Variants in DSCAML1 observed in about 807,000 individuals in gnomAD.
DSCAML1 encodes the protein DS cell adhesion molecule like 1, also known as cell adhesion molecule DSCAML1.
In DSCAML1, 38 loss-of-function variants were observed where a neutral mutation model predicts 200.5. That is an observed-to-expected ratio of 0.19 (90% confidence interval 0.15 to 0.25). The LOEUF is 0.25. Ranked by LOEUF, DSCAML1 falls within the 10% of genes least tolerant of loss-of-function variation. The probability of loss-of-function intolerance (pLI) is 1.00; values close to 1 mark genes in which losing one functional copy is unlikely to be tolerated. For synonymous variants in DSCAML1, 1,215 were observed against 1,165.0 expected (o/e 1.04, Z -0.87); for missense variants, 2,223 against 2,858.8 (o/e 0.78, Z 5.07).
At chr11:117,696,633 C>G (rs145422176) in intron 3 of DSCAML1, among the ~76,000 whole-genome samples, 1 of 152,026 alleles carries the variant, frequency 6.6e-6, no homozygotes, top group East Asian at 1.9e-4. Flanking sequence ...GGCCTGGGAG[C>G]AGCAGCTGGT....
At chr11:117,718,358 A>C (rs555546866) in intron 3 of DSCAML1, among the ~76,000 whole-genome samples, 109 of 152,308 alleles carry the variant, frequency 7.2e-4, no homozygotes, top group African/African-American at 2.5e-3. Context: ...TAAGCCCCCA[A>C]GTTGGGGGTG....
At chr11:117,478,501 T>C (rs1485677691) in intron 14 of DSCAML1, among the ~76,000 whole-genome samples, 1 of 152,166 alleles carries the variant, frequency 6.6e-6, no homozygotes, top group South Asian at 2.1e-4. Context: ...CTCTTTTCTT[T>C]TCTCCTGGAT....
Position 117,766,721 on chromosome 11 carries a change from G to A in DSCAML1, c.511+10070C>T, listed in dbSNP as rs146340820. 2.8e-3 allele frequency among the ~76,000 whole-genome samples: 423 copies of A among 152,262 alleles called. 4 individuals carry two copies. Among genetic ancestry groups the A allele is most frequent in the African/African-American group, 9.5e-3 (396 of 41,526 alleles). On this transcript the variant is annotated intron_variant, in intron 3 of 32. Transcript: ENST00000651296. ...CCAGGGGGTGCTCTGGAAATGCAGC[G>A]CCTGCCATGAACTAAATGGAAAAGC...
At chr11:117,750,569 G>A (rs554191763) in intron 3 of DSCAML1, among the ~76,000 whole-genome samples, 9 of 152,268 alleles carry the variant, frequency 5.9e-5, no homozygotes, top group African/African-American at 1.9e-4. Flanking sequence ...ACAAGCACAC[G>A]GGCTGCTGCA....
At chr11:117,752,750 A>T (rs2054623602) in intron 3 of DSCAML1, among the ~76,000 whole-genome samples, 8 of 152,224 alleles carry the variant, frequency 5.3e-5, no homozygotes, top group Admixed American at 5.2e-4. Context: ...AGGGAGAAGA[A>T]GCCTATTTCT....
rs1252790253 is a variant in DSCAML1, at chr11:117,428,464, T to C, written c.6026A>G (p.Glu2009Gly). ...GTGTGGGCCCCCGGCTCGTGGAGGCTCGGTGCTGGGGGCCGGAGGGGCAGC... is the reference window on the plus strand; with the variant it reads ...GTGTGGGCCCCCGGCTCGTGGAGGCCCGGTGCTGGGGGCCGGAGGGGCAGC... ...PSAAPPAPST[E>G]PPRAGGPHTK... The change falls in exon 33 of 33, where the codon GAG becomes GGG. Residue 2009 changes from glutamate to glycine, a missense_variant. Transcript: ENST00000651296. 6.6e-7 allele frequency: 1 copy of C among 1,510,830 alleles called. No individual in the cohort carries two copies. The highest frequency in any genetic ancestry group is 8.9e-7 in the Non-Finnish European group (1 of 1,129,720). The allele number at this position is 1,510,830 out of a possible 1,614,324, so 93.6% of individuals were successfully genotyped here. A position where few individuals can be genotyped will look rare whatever the true frequency, so the allele number is the denominator to read the frequency against.
Position 117,428,532 on chromosome 11 carries a change from TGG to T in DSCAML1, c.5956_5957del (p.Pro1986SerfsTer8). The T allele has an allele frequency of 9.9e-7, 1 of 1,007,092 alleles. No homozygotes were observed. The highest frequency in any genetic ancestry group is 1.4e-6 in the Non-Finnish European group (1 of 707,988). 62.4% of individuals were successfully genotyped at this position (1,007,092 alleles called of 1,614,324 possible). A position where few individuals can be genotyped will look rare whatever the true frequency, so the allele number is the denominator to read the frequency against. Reference sequence around the variant, plus strand: ...GCTCAGCAGGGGTGGGGCCGGGGGCTGGGGGGGCTGTGCCGGCTGGGGGGGCT... The same window carrying T: ...GCTCAGCAGGGGTGGGGCCGGGGGCTGGGGGCTGTGCCGGCTGGGGGGGCT... ...MPAPPAGTAP[P>X]APGPTPAEPP... On this transcript the variant is annotated frameshift_variant, in exon 33 of 33. Transcript: ENST00000651296. LOFTEE classifies it high-confidence loss of function.
intron 3 of DSCAML1, among the ~76,000 whole-genome samples, chr11:117,687,430 T>TAA (rs1471598011): frequency 1.8e-5 from 2 of 114,016 alleles, no homozygotes; most frequent in African/African-American, 4.5e-5. Context: ...CTGGCTATTT[T>TAA]TTTTTTTTTT....
intron 3 of DSCAML1, among the ~76,000 whole-genome samples, chr11:117,710,941 G>T (rs965791310): frequency 6.6e-6 from 1 of 152,150 alleles, no homozygotes; most frequent in African/African-American, 2.4e-5. Context: ...ATCACTTCAA[G>T]GTCACAAACT....
chr11:117,512,896 G>A (rs1342462802), intron 8 of DSCAML1, among the ~76,000 whole-genome samples: 5 of 152,000 alleles, frequency 3.3e-5, no homozygotes, highest in South Asian at 2.1e-4. Flanking sequence ...TCGCCGAGAC[G>A]GAATGCATCA....
intron 3 of DSCAML1, among the ~76,000 whole-genome samples, chr11:117,734,466 G>C (rs538578029): frequency 5.3e-5 from 8 of 152,290 alleles, no homozygotes; most frequent in African/African-American, 1.9e-4. Flanking sequence ...TTCCTAGAAA[G>C]CACCAACTCT....
chr11:117,568,362 A>T (rs924796383), intron 3 of DSCAML1, among the ~76,000 whole-genome samples: 4 of 152,182 alleles, frequency 2.6e-5, no homozygotes, highest in Non-Finnish European at 5.9e-5. Flanking sequence ...TAGTGTTGGA[A>T]GTTCTGGCCA....
At chr11:117,485,936 T>TG (rs1418523241) in intron 11 of DSCAML1, among the ~76,000 whole-genome samples, 5 of 152,306 alleles carry the variant, frequency 3.3e-5, no homozygotes, top group African/African-American at 1.2e-4. Flanking sequence ...CACCTACTGG[T>TG]GTCAGCCAGC....
Position 117,489,849 on chromosome 11 carries a change from T to C in DSCAML1, c.2360-7687A>G, listed in dbSNP as rs906229147. On this transcript the variant is annotated intron_variant, in intron 11 of 32. Transcript: ENST00000651296. This position sits in a 1 kb window ranked among gnomAD's most constrained non-coding sequence, Gnocchi z 4.8. ...GCGTCCTTGCCTCCTTGTGTGTGAC[T>C]GTGAGACTCTCCAGGGCAGAAGCAT... Among the ~76,000 whole-genome samples, 19 of 152,328 alleles carry C rather than the reference T, an allele frequency of 1.2e-4. No homozygotes were observed. The highest frequency in any genetic ancestry group is 2.5e-4 in the Non-Finnish European group (17 of 68,026).
rs370625430 is a variant in DSCAML1 at position 117,617,473 on chromosome 11, C to T, written c.512-84951G>A. Among the ~76,000 whole-genome samples the T allele has an allele frequency of 7.9e-5, 12 of 152,292 alleles. No homozygotes were observed. The East Asian group carries it at 1.7e-3, about 22-fold the overall frequency. ...CTCAAACTGTTATTCCATCTACACA[C>T]GGCACTGTGGGATGCCTGCGATATT... On this transcript the variant is annotated intron_variant, in intron 3 of 32. Transcript: ENST00000651296.
chr11:117,810,910 C>T (rs1348810746), intron 1 of DSCAML1, among the ~76,000 whole-genome samples: 1 of 152,192 alleles, frequency 6.6e-6, no homozygotes, highest in Non-Finnish European at 1.5e-5. Flanking sequence ...CAACCCCAAG[C>T]GTCGCTGAGT....
At chr11:117,609,863 C>T (rs1267685476) in intron 3 of DSCAML1, among the ~76,000 whole-genome samples, 3 of 152,144 alleles carry the variant, frequency 2.0e-5, no homozygotes, top group African/African-American at 4.8e-5. Context: ...GAGTGTGGAA[C>T]AGTCTGGAAG....
At chr11:117,558,135 C>T (rs1462924385) in intron 3 of DSCAML1, among the ~76,000 whole-genome samples, 1 of 152,074 alleles carries the variant, frequency 6.6e-6, no homozygotes, top group Non-Finnish European at 1.5e-5. Flanking sequence ...CAGTGTCTCC[C>T]AGGCACAGGG....
intron 3 of DSCAML1, among the ~76,000 whole-genome samples, chr11:117,706,358 A>C (rs980965493): frequency 1.3e-5 from 2 of 152,220 alleles, no homozygotes; most frequent in Non-Finnish European, 2.9e-5. Flanking sequence ...AGAAGCCTAC[A>C]GGCGTACAGA....
Sources: gnomAD v4.1 joint callset for allele counts (sites outside exome capture counted in the v4.1 genomes callset) on GRCh38, gnomAD v4.1.1 for gene constraint, Gnocchi (gnomAD v3.1) non-coding constraint, MANE v1.5 for transcripts, NCBI Gene and HGNC (gene_info 2026-07-23, HGNC 2026-07-21) for gene names.